The following AFF3 variants were observed in gnomAD, a reference collection of about 807,000 sequenced individuals.
The protein encoded by AFF3 is AF4/FMR2 family member 3.
AFF3 carries 32 observed loss-of-function variants against 129.7 expected under a neutral mutation model. The ratio of observed to expected loss-of-function variants is 0.25; its 90% CI spans 0.19 to 0.33. The LOEUF (loss-of-function observed/expected upper bound fraction) is 0.33, where lower values mean the gene tolerates loss of function less well. AFF3 is among the 10% of genes least tolerant of loss of function. AFF3 has a pLI of 1.00. For missense variants in AFF3, 1,373 were observed against 1,592.0 expected, an observed-to-expected ratio of 0.86 and a Z score of 2.34; for synonymous variants, 644 against 635.4, an observed-to-expected ratio of 1.01 and a Z score of -0.20.
chr2:99,589,585 G>GATACT (rs1678463009), intron 15 of AFF3, among the ~76,000 whole-genome samples: 1 of 151,898 alleles, frequency 6.6e-6, no homozygotes, highest in Non-Finnish European at 1.5e-5. Context: ...ATTTTTAGTA[G>GATACT]AGACAGGGTT....
chr2:99,737,733 C>T lies in AFF3; in HGVS notation c.1039+6371G>A, dbSNP rs1680376821. On this transcript the variant is annotated intron_variant, in intron 10 of 24. Coordinates refer to ENST00000672756, the MANE Select transcript of AFF3 (RefSeq NM_001386135.1). The stretch of plus-strand genomic sequence containing the variant: ...TGGAAAATTCTCAGCCATCAATCAT[C>T]TTCAGTACTGTCTCGCTTCCCTTTC... 2.0e-5 allele frequency among the ~76,000 whole-genome samples: 3 copies of T among 151,338 alleles called. No homozygotes were observed. In the South Asian group the frequency reaches 6.3e-4, roughly 32 times the overall value.
chr2:99,978,300 T>C (rs561957533), intron 7 of AFF3, among the ~76,000 whole-genome samples: 2 of 152,208 alleles, frequency 1.3e-5, no homozygotes, highest in Admixed American at 1.3e-4. Flanking sequence ...GTTGTAAAGC[T>C]AAAAACCCAG....
intron 4 of AFF3, among the ~76,000 whole-genome samples, chr2:100,009,326 C>CT (rs397932898): frequency 0.18 from 25,917 of 144,732 alleles, 2,407 homozygotes; most frequent in African/African-American, 0.2. Context: ...TGCTCCTGTT[C>CT]TTTTTTTTTT....
chr2:99,918,133 T>C lies in AFF3; in HGVS notation c.874-80609A>G, dbSNP rs182521214. On this transcript the variant is annotated intron_variant, in intron 7 of 24. Coordinates refer to ENST00000672756, the MANE Select transcript of AFF3 (RefSeq NM_001386135.1). ...AACTCTCTCGCTTATTATTTAAAAA[T>C]ATTTACTGGTTGCAGTTACAAAATA... is the stretch of plus-strand genomic sequence containing the variant. Among the ~76,000 whole-genome samples, 13 of 152,292 alleles carry C rather than the reference T, an allele frequency of 8.5e-5. No individual in the cohort carries two copies. The South Asian group carries it at 1.2e-3, about 15-fold the overall frequency.
At chr2:99,840,435 C>G (rs571554711) in intron 7 of AFF3, among the ~76,000 whole-genome samples, 13 of 152,336 alleles carry the variant, frequency 8.5e-5, no homozygotes, top group Admixed American at 6.5e-4. Flanking sequence ...CTAGTCTCAT[C>G]ATTAAAAGAC....
chr2:100,109,119 C>T (rs1050497683), intron 2 of AFF3, among the ~76,000 whole-genome samples: 2 of 151,522 alleles, frequency 1.3e-5, no homozygotes, highest in South Asian at 2.1e-4. Context: ...AAATGAGCTC[C>T]GGGAGAGGGG....
At chr2:99,755,988 A>T (rs1682065382) in intron 8 of AFF3, among the ~76,000 whole-genome samples, 1 of 152,184 alleles carries the variant, frequency 6.6e-6, no homozygotes, top group Non-Finnish European at 1.5e-5. Context: ...CTGATTCTAT[A>T]CTTGGGCTCC....
At chr2:99,905,471 T>C (rs971594347) in intron 7 of AFF3, among the ~76,000 whole-genome samples, 6 of 152,176 alleles carry the variant, frequency 3.9e-5, no homozygotes, top group African/African-American at 1.4e-4. Context: ...TAAGACTATA[T>C]CATCAGCTAC....
rs540825155 is a variant in AFF3 at position 99,954,599 on chromosome 2, G to C, written c.873+52033C>G. On this transcript the variant is annotated intron_variant, in intron 7 of 24. Coordinates refer to ENST00000672756, the MANE Select transcript of AFF3 (RefSeq NM_001386135.1). ...ACTATGCAGCCATAAAAAATGATGA[G>C]TTCATGTCCTTTGTAGGGGCATGGA... is the stretch of plus-strand genomic sequence containing the variant. Among the ~76,000 whole-genome samples the C allele has an allele frequency of 4.9e-3, 738 of 152,030 alleles. 4 individuals are homozygous for C. Among genetic ancestry groups the C allele is most frequent in the African/African-American group, 0.017 (699 of 41,438 alleles).
chr2:99,848,069 G>A (rs1303953369), intron 7 of AFF3, among the ~76,000 whole-genome samples: 3 of 151,926 alleles, frequency 2.0e-5, no homozygotes, highest in Non-Finnish European at 4.4e-5. Flanking sequence ...ATCACCTGAG[G>A]TCAGGAGTTC....
At chr2:100,136,884 G>A (rs969164834) in intron 1 of AFF3, among the ~76,000 whole-genome samples, 6 of 151,966 alleles carry the variant, frequency 3.9e-5, no homozygotes, top group African/African-American at 1.2e-4. Flanking sequence ...GTTTTACATC[G>A]CTAAGTAGAT....
At chr2:99,974,635 T>TG (rs1488616993) in intron 7 of AFF3, among the ~76,000 whole-genome samples, 1 of 152,216 alleles carries the variant, frequency 6.6e-6, no homozygotes, top group Non-Finnish European at 1.5e-5. Flanking sequence ...CTCTGACCAA[T>TG]GGAAAATGGA....
chr2:99,730,276 TATAAC>T (rs1679717060), intron 10 of AFF3, among the ~76,000 whole-genome samples: 1 of 152,122 alleles, frequency 6.6e-6, no homozygotes, highest in South Asian at 2.1e-4. Flanking sequence ...CTTAAAAAAT[TATAAC>T]AGTTACCTTT....
In AFF3 at chr2:100,107,524, T is replaced by C. The variant is rs1176313316; in HGVS notation, c.-144-1941A>G. On this transcript the variant is annotated intron_variant, in intron 2 of 24. Transcript: ENST00000672756. ...GAGTGATGTTTTCTATGAAGCTGCC[T>C]TAGCTTTTGCTCATCCTATAGTGCT... is the stretch of plus-strand genomic sequence containing the variant. 4 of 984,890 alleles carry C rather than the reference T, an allele frequency of 4.1e-6. No individual in the cohort carries two copies. In the African/African-American group the frequency reaches 7.0e-5, roughly 17 times the overall value. 61.0% of individuals were successfully genotyped at this position (984,890 alleles called of 1,614,324 possible). A position where few individuals can be genotyped will look rare whatever the true frequency, so the allele number is the denominator to read the frequency against.
chr2:99,744,429 T>C (rs1031863356), intron 9 of AFF3, among the ~76,000 whole-genome samples: 2 of 152,218 alleles, frequency 1.3e-5, no homozygotes, highest in Admixed American at 1.3e-4. Flanking sequence ...AACAATTCAG[T>C]GGCATTTGGT....
At chr2:99,650,191 G>C (rs1256654327) in intron 12 of AFF3, among the ~76,000 whole-genome samples, 1 of 152,160 alleles carries the variant, frequency 6.6e-6, no homozygotes, top group East Asian at 1.9e-4. Flanking sequence ...ATGATATTAT[G>C]ACAATGGTTT....
At chr2:99,685,581 A>G (rs1284801014) in intron 11 of AFF3, among the ~76,000 whole-genome samples, 3 of 152,226 alleles carry the variant, frequency 2.0e-5, no homozygotes, top group Non-Finnish European at 1.5e-5. Flanking sequence ...GTTTATATAA[A>G]AAAAGAGTAA....
intron 7 of AFF3, among the ~76,000 whole-genome samples, chr2:99,893,287 T>C (rs773936021): frequency 4.6e-5 from 7 of 152,220 alleles, no homozygotes; most frequent in African/African-American, 7.2e-5. Flanking sequence ...ATGTGAAGTA[T>C]TTCACAGAGT....
At chr2:99,614,520 G>C (rs1055358125) in intron 13 of AFF3, among the ~76,000 whole-genome samples, 17 of 152,218 alleles carry the variant, frequency 1.1e-4, no homozygotes, top group African/African-American at 4.1e-4. Context: ...AGAGAGCACA[G>C]ATGTCACCTT....
Sources: gnomAD v4.1 joint callset for allele counts (sites outside exome capture counted in the v4.1 genomes callset) on GRCh38, gnomAD v4.1.1 for gene constraint, MANE v1.5 for transcripts, NCBI Gene and HGNC (gene_info 2026-07-23, HGNC 2026-07-21) for gene names.